The following ADGRB3 variants were observed in gnomAD, a reference collection of about 807,000 sequenced individuals.
ADGRB3 encodes adhesion G protein-coupled receptor B3, also known as brain-specific angiogenesis inhibitor 3.
In ADGRB3, 37 loss-of-function variants were observed where a neutral mutation model predicts 193.4. The ratio of observed to expected loss-of-function variants is 0.19; its 90% CI spans 0.15 to 0.25. The LOEUF is 0.25. Among genes scored for constraint, ADGRB3 ranks in the 10% least tolerant of loss-of-function variants. The pLI is 1.00. For synonymous variants in ADGRB3, 690 were observed against 644.2 expected (o/e 1.07, Z -1.08); for missense variants, 1,637 against 1,852.9 (o/e 0.88, Z 2.14).
intron 3 of ADGRB3, among the ~76,000 whole-genome samples, chr6:68,676,464 C>T (rs150263011): frequency 6.7e-6 from 1 of 149,360 alleles, no homozygotes; most frequent in African/African-American, 2.5e-5. Context: ...TTGGTTGTTT[C>T]TTAAACGAAA....
intron 3 of ADGRB3, among the ~76,000 whole-genome samples, chr6:68,774,348 T>C (rs1171597886): frequency 6.6e-6 from 1 of 150,654 alleles, no homozygotes; most frequent in African/African-American, 2.4e-5. Flanking sequence ...AGGCAGATAA[T>C]ACTGAATCTT....
chr6:69,114,914 A>G (rs1241974130), intron 17 of ADGRB3, among the ~76,000 whole-genome samples: 1 of 152,246 alleles, frequency 6.6e-6, no homozygotes, highest in Non-Finnish European at 1.5e-5. Flanking sequence ...CACACCAGTT[A>G]GAATGGCGAT....
intron 17 of ADGRB3, among the ~76,000 whole-genome samples, chr6:69,080,683 A>G (rs1772361730): frequency 6.6e-6 from 1 of 151,966 alleles, no homozygotes; most frequent in South Asian, 2.1e-4. Context: ...TATTAAAAAT[A>G]TTTAACAATG....
chr6:69,154,646 C>T (rs1430084260), intron 17 of ADGRB3, among the ~76,000 whole-genome samples: 2 of 152,198 alleles, frequency 1.3e-5, no homozygotes, highest in African/African-American at 2.4e-5. Flanking sequence ...CCACATAGCA[C>T]ATGGTAATGA....
intron 17 of ADGRB3, among the ~76,000 whole-genome samples, chr6:69,158,278 T>C (rs914503076): frequency 6.6e-6 from 1 of 152,084 alleles, no homozygotes; most frequent in Non-Finnish European, 1.5e-5. Context: ...ACTTGATTAA[T>C]GTTTGTTAAA....
At chr6:68,660,963 G>A (rs1202146258) in intron 3 of ADGRB3, among the ~76,000 whole-genome samples, 2 of 150,422 alleles carry the variant, frequency 1.3e-5, no homozygotes, top group East Asian at 3.9e-4. Flanking sequence ...AAATCATTTT[G>A]CAAAAATTAT....
At chr6:69,160,619 A>C (rs911754780) in intron 17 of ADGRB3, among the ~76,000 whole-genome samples, 1 of 151,914 alleles carries the variant, frequency 6.6e-6, no homozygotes, top group Non-Finnish European at 1.5e-5. Flanking sequence ...TTTTTCAATT[A>C]TTTCTTTTCA....
chr6:69,169,647 G>T (rs906228754), intron 17 of ADGRB3, among the ~76,000 whole-genome samples: 1 of 151,512 alleles, frequency 6.6e-6, no homozygotes, highest in South Asian at 2.1e-4. Flanking sequence ...CTTACAAAAA[G>T]TACAAATTGA....
chr6:69,313,956 C>CA (rs1008836707), intron 20 of ADGRB3, among the ~76,000 whole-genome samples: 7 of 151,738 alleles, frequency 4.6e-5, no homozygotes, highest in Non-Finnish European at 8.8e-5. Context: ...TTATGAACAA[C>CA]CACTGTCTTA....
intron 17 of ADGRB3, among the ~76,000 whole-genome samples, chr6:69,189,573 C>T (rs60251299): frequency 3.6e-4 from 55 of 151,468 alleles, no homozygotes; most frequent in East Asian, 1.5e-3. Context: ...TCTGTGGAAA[C>T]GAATTCCGTC....
intron 13 of ADGRB3, among the ~76,000 whole-genome samples, chr6:69,038,329 G>GACAC (rs35438298): frequency 0.034 from 5,029 of 149,516 alleles, 116 homozygotes; most frequent in East Asian, 0.058. Flanking sequence ...TGAATACACA[G>GACAC]ACACACACAC....
chr6:69,232,124 T>C (rs1297319142), intron 17 of ADGRB3, among the ~76,000 whole-genome samples: 1 of 152,222 alleles, frequency 6.6e-6, no homozygotes, highest in Non-Finnish European at 1.5e-5. Flanking sequence ...ACACAGATAG[T>C]AACTTGGTTT....
intron 10 of ADGRB3, among the ~76,000 whole-genome samples, chr6:68,982,658 T>A (rs567893454): frequency 6.6e-6 from 1 of 152,276 alleles, no homozygotes; most frequent in African/African-American, 2.4e-5. Flanking sequence ...AAAGGGAAAA[T>A]TGCAATTCTG....
chr6:68,960,519 G>A (rs1384718462), intron 8 of ADGRB3, among the ~76,000 whole-genome samples: 2 of 152,104 alleles, frequency 1.3e-5, no homozygotes, highest in African/African-American at 2.4e-5. Context: ...CCCTGCTTAC[G>A]AAAAATGTGA....
At chr6:68,740,661 T>G (rs936519579) in intron 3 of ADGRB3, among the ~76,000 whole-genome samples, 6 of 152,188 alleles carry the variant, frequency 3.9e-5, no homozygotes, top group African/African-American at 1.4e-4. Flanking sequence ...TACATGTTAT[T>G]ATAATATATG....
At chr6:68,677,897 G>A (rs1450850274) in intron 3 of ADGRB3, among the ~76,000 whole-genome samples, 1 of 152,128 alleles carries the variant, frequency 6.6e-6, no homozygotes, top group Non-Finnish European at 1.5e-5. Flanking sequence ...TTATGATCAA[G>A]TGGGTGCTAC....
chr6:69,347,804 G>A (rs1385568418), intron 26 of ADGRB3, among the ~76,000 whole-genome samples: 1 of 151,776 alleles, frequency 6.6e-6, no homozygotes, highest in African/African-American at 2.4e-5. Context: ...AAAAAAAATA[G>A]AATGCAGTAC....
At chr6:68,967,434 C>A (rs542804929) in intron 8 of ADGRB3, among the ~76,000 whole-genome samples, 1 of 152,100 alleles carries the variant, frequency 6.6e-6, no homozygotes, top group African/African-American at 2.4e-5. Flanking sequence ...AAAAAATGGT[C>A]CTATAGGATC....
intron 17 of ADGRB3, among the ~76,000 whole-genome samples, chr6:69,161,330 G>A (rs1774980075): frequency 6.6e-6 from 1 of 152,040 alleles, no homozygotes; most frequent in Non-Finnish European, 1.5e-5. Context: ...AGAATGCTTA[G>A]GGATGAATAA....
Sources: gnomAD v4.1 joint callset for allele counts (sites outside exome capture counted in the v4.1 genomes callset) on GRCh38, gnomAD v4.1.1 for gene constraint, MANE v1.5 for transcripts, NCBI Gene and HGNC (gene_info 2026-07-23, HGNC 2026-07-21) for gene names.